The following NELL1 variants were observed in gnomAD, a reference collection of about 807,000 sequenced individuals.
NELL1 encodes neural EGFL like 1.
NELL1 carries 76 observed loss-of-function variants against 107.4 expected under a neutral mutation model. The ratio of observed to expected loss-of-function variants is 0.71; its 90% confidence interval spans 0.59 to 0.86. The LOEUF (loss-of-function observed/expected upper bound fraction) is 0.86. Among genes scored for constraint, NELL1 ranks in the 40% least tolerant of loss-of-function variants. The pLI, the probability that NELL1 is intolerant of heterozygous loss-of-function variation, is 0.00. For missense variants in NELL1, 1,024 were observed against 1,005.5 expected, an observed-to-expected ratio of 1.02 and a Z score of -0.25; for synonymous variants, 353 against 341.2, an observed-to-expected ratio of 1.03 and a Z score of -0.38.
At chr11:20,995,070 G>A (rs1204743174) in intron 12 of NELL1, among the ~76,000 whole-genome samples, 1 of 151,594 alleles carries the variant, frequency 6.6e-6, no homozygotes, top group East Asian at 1.9e-4. Flanking sequence ...ATGTTATTTT[G>A]TTTTAGAATT....
intron 15 of NELL1, among the ~76,000 whole-genome samples, chr11:21,492,663 C>A (rs1353306382): frequency 6.9e-6 from 1 of 145,686 alleles, no homozygotes; most frequent in Non-Finnish European, 1.5e-5. Flanking sequence ...CCAAACACTG[C>A]ATGTTCTCAC....
At chr11:21,336,674 T>TATAC (rs55720144) in intron 14 of NELL1, among the ~76,000 whole-genome samples, 16 of 130,536 alleles carry the variant, frequency 1.2e-4, no homozygotes, top group African/African-American at 4.3e-4. Context: ...TATATATATA[T>TATAC]ACACACACAC....
chr11:20,881,947 A>G (rs537123811), intron 4 of NELL1, among the ~76,000 whole-genome samples: 1 of 152,330 alleles, frequency 6.6e-6, no homozygotes, highest in East Asian at 1.9e-4. Flanking sequence ...AGAGTACCCT[A>G]TATATCAGAA....
intron 14 of NELL1, among the ~76,000 whole-genome samples, chr11:21,336,266 G>A (rs1850392908): frequency 1.3e-5 from 2 of 151,932 alleles, no homozygotes; most frequent in South Asian, 4.1e-4. Context: ...AGTGTTTACT[G>A]TTAGCCAGGA....
intron 14 of NELL1, among the ~76,000 whole-genome samples, chr11:21,252,823 C>G (rs1858674311): frequency 6.6e-6 from 1 of 152,116 alleles, no homozygotes; most frequent in South Asian, 2.1e-4. Flanking sequence ...ATATTAGATT[C>G]TAATCTCTTC....
chr11:21,338,358 T>A (rs1200799836), intron 14 of NELL1, among the ~76,000 whole-genome samples: 1 of 152,178 alleles, frequency 6.6e-6, no homozygotes, highest in Non-Finnish European at 1.5e-5. Context: ...AAAATACATA[T>A]GGTTGCCCAT....
chr11:21,339,624 T>A (rs1850516458), intron 14 of NELL1, among the ~76,000 whole-genome samples: 1 of 152,206 alleles, frequency 6.6e-6, no homozygotes, highest in African/African-American at 2.4e-5. Context: ...TAGGCACCTC[T>A]CCAGGCAATC....
At chr11:20,713,352 G>A (rs1003502021) in intron 2 of NELL1, among the ~76,000 whole-genome samples, 1 of 152,136 alleles carries the variant, frequency 6.6e-6, no homozygotes, top group African/African-American at 2.4e-5. Flanking sequence ...CACTGTGAGG[G>A]CTGGTAGAGG....
intron 13 of NELL1, among the ~76,000 whole-genome samples, chr11:21,168,970 A>T (rs1856544731): frequency 6.6e-6 from 1 of 151,942 alleles, no homozygotes; most frequent in Admixed American, 6.6e-5. Context: ...ATATGACTCA[A>T]TTCTGTATTG....
At chr11:21,094,302 G>C (rs1854589802) in intron 12 of NELL1, among the ~76,000 whole-genome samples, 1 of 152,214 alleles carries the variant, frequency 6.6e-6, no homozygotes, top group South Asian at 2.1e-4. Flanking sequence ...GGGCAGCTCT[G>C]ACCCTGTGGC....
At chr11:20,966,113 G>A (rs1239386922) in intron 12 of NELL1, among the ~76,000 whole-genome samples, 8 of 152,108 alleles carry the variant, frequency 5.3e-5, no homozygotes, top group African/African-American at 9.7e-5. Flanking sequence ...GCTTTAGTTC[G>A]TTCATGCCGC....
intron 1 of NELL1, among the ~76,000 whole-genome samples, chr11:20,674,844 G>C (rs1481712549): frequency 6.6e-6 from 1 of 152,174 alleles, no homozygotes; most frequent in Non-Finnish European, 1.5e-5. Flanking sequence ...CTCTTAGTCT[G>C]GGAGATTTGA....
intron 15 of NELL1, among the ~76,000 whole-genome samples, chr11:21,405,375 G>T (rs1048830547): frequency 6.1e-5 from 8 of 131,270 alleles, no homozygotes; most frequent in East Asian, 4.1e-4. Context: ...TTTACCTGTT[G>T]TAAAAAGAAA....
chr11:20,930,432 G>T (rs549968818), intron 9 of NELL1, among the ~76,000 whole-genome samples: 7 of 152,082 alleles, frequency 4.6e-5, no homozygotes, highest in African/African-American at 1.2e-4. Context: ...GAGCTTCATT[G>T]TTTCCCATTG....
At chr11:21,091,598 A>G (rs1854522684) in intron 12 of NELL1, among the ~76,000 whole-genome samples, 1 of 152,172 alleles carries the variant, frequency 6.6e-6, no homozygotes, top group South Asian at 2.1e-4. Flanking sequence ...CATATTCACC[A>G]TACGTCTTAT....
intron 2 of NELL1, among the ~76,000 whole-genome samples, chr11:20,691,314 C>T (rs1294109986): frequency 6.6e-6 from 1 of 151,252 alleles, no homozygotes; most frequent in East Asian, 1.9e-4. Context: ...GAACTTCCAA[C>T]ACTATGTTGA....
chr11:21,459,408 G>A (rs918143168), intron 15 of NELL1, among the ~76,000 whole-genome samples: 1 of 147,686 alleles, frequency 6.8e-6, no homozygotes. Flanking sequence ...GGCAATAAAT[G>A]AAGCTGAATG....
Position 21,176,297 on chromosome 11 carries a change from G to A in NELL1, c.1427-53035G>A, listed in dbSNP as rs74326837. On this transcript the variant is annotated intron_variant, in intron 13 of 19. Transcript: ENST00000357134. ...ATTCCACCTTAGTGAAGTAAAATTT[G>A]TCTCTCCAATGAAGAGAGCTGAAAT... Among the ~76,000 whole-genome samples, 1,350 of 151,948 alleles carry A rather than the reference G, an allele frequency of 8.9e-3. 58 individuals carry two copies. Among genetic ancestry groups the A allele is most frequent in the African/African-American group, 0.031 (1,285 of 41,242 alleles).
chr11:20,868,643 AT>A (rs1382523140), intron 4 of NELL1, among the ~76,000 whole-genome samples: 2 of 152,176 alleles, frequency 1.3e-5, no homozygotes, highest in African/African-American at 4.8e-5. Context: ...GAATGAGTAA[AT>A]GAAATAATTA....
Sources: gnomAD v4.1 joint callset for allele counts (sites outside exome capture counted in the v4.1 genomes callset) on GRCh38, gnomAD v4.1.1 for gene constraint, MANE v1.5 for transcripts, NCBI Gene and HGNC (gene_info 2026-07-23, HGNC 2026-07-21) for gene names.